Variants in DLGAP4 observed in about 807,000 individuals in gnomAD.
DLGAP4 encodes the protein disks large-associated protein 4.
Under a neutral mutation model 86.9 loss-of-function variants are expected in DLGAP4, and 18 were observed. The observed-to-expected ratio is 0.21, with a 90% CI of 0.14 to 0.31. The LOEUF (loss-of-function observed/expected upper bound fraction) is 0.31, where lower values mean the gene tolerates loss of function less well. Among genes scored for constraint, DLGAP4 ranks in the 10% least tolerant of loss-of-function variants. The pLI is 1.00. For synonymous variants in DLGAP4, 548 were observed against 574.3 expected, an observed-to-expected ratio of 0.95 and a Z score of 0.65; for missense variants, 1,085 against 1,362.6, an observed-to-expected ratio of 0.80 and a Z score of 3.21.
intron 7 of DLGAP4, among the ~76,000 whole-genome samples, chr20:36,487,559 G>A (rs1194318216): frequency 6.6e-6 from 1 of 152,118 alleles, no homozygotes; most frequent in Non-Finnish European, 1.5e-5. Context: ...GTTACATTTT[G>A]CCAAACTGTG....
chr20:36,306,796 C>T lies in DLGAP4; in HGVS notation c.-304+284C>T, dbSNP rs528035008. On this transcript the variant is annotated intron_variant, in intron 1 of 12. Transcript: ENST00000339266. The surrounding 1 kb of genome is among the most constrained non-coding windows in gnomAD (Gnocchi z 4.9). The stretch of plus-strand genomic sequence containing the variant: ...GGGCGGCGGCACCGGGGCCCGGAAC[C>T]CCTGTCCGGGACCGGATCCCCATTC... Among the ~76,000 whole-genome samples the T allele has an allele frequency of 1.3e-5, 2 of 152,310 alleles. No individual in the cohort carries two copies. Among genetic ancestry groups the T allele is most frequent in the Non-Finnish European group, 2.9e-5 (2 of 68,002 alleles).
At chr20:36,476,301 T>C (rs957405202) in intron 7 of DLGAP4, among the ~76,000 whole-genome samples, 1 of 149,336 alleles carries the variant, frequency 6.7e-6, no homozygotes, top group Non-Finnish European at 1.5e-5. Flanking sequence ...CCCCCTTGCC[T>C]GGTCCCTGGC....
At chr20:36,391,313 T>G (rs1235298659) in intron 2 of DLGAP4, among the ~76,000 whole-genome samples, 1 of 152,190 alleles carries the variant, frequency 6.6e-6, no homozygotes, top group East Asian at 1.9e-4. Context: ...CTTCTCCTAA[T>G]TTGCCTCCTC....
intron 7 of DLGAP4, among the ~76,000 whole-genome samples, chr20:36,453,995 G>A (rs2033814233): frequency 6.7e-6 from 1 of 149,956 alleles, no homozygotes; most frequent in Non-Finnish European, 1.5e-5. Context: ...AAGAGTCCGG[G>A]CACAGTGGCT....
chr20:36,432,530 C>A lies in DLGAP4; in HGVS notation c.813C>A (p.Pro271=). 6.2e-7 allele frequency: 1 copy of A among 1,608,752 alleles called. No homozygotes were observed. The highest frequency in any genetic ancestry group is 8.5e-7 in the Non-Finnish European group (1 of 1,178,092). The change falls in exon 3 of 13, where the codon CCC becomes CCA. Residue 271 remains proline (P), a synonymous_variant. Coordinates refer to ENST00000339266, the MANE Select transcript of DLGAP4 (RefSeq NM_001365621.2). The surrounding 1 kb of genome is among the most constrained non-coding windows in gnomAD (Gnocchi z 6.5). The part of the protein sequence containing the change: ...TTELTAPPPP[P]APPATCPSLG... Reference sequence around the variant, plus strand: ...AGCTGACTGCCCCACCACCCCCGCCCGCACCCCCAGCCACCTGCCCCAGCC... The same window carrying A: ...AGCTGACTGCCCCACCACCCCCGCCAGCACCCCCAGCCACCTGCCCCAGCC...
In DLGAP4 at chr20:36,393,903, A is replaced by G. The variant is rs1289368895; in HGVS notation, c.-73+26628A>G. On this transcript the variant is annotated intron_variant, in intron 2 of 12. Transcript: ENST00000339266. The surrounding 1 kb of genome is among the most constrained non-coding windows in gnomAD (Gnocchi z 4.4). Reference sequence around the variant, plus strand: ...AGGCAGCTGAGGAGGGGGCTCAGGGACTCATCCCTCGCCTGCCCACAGAAT... The same window carrying G: ...AGGCAGCTGAGGAGGGGGCTCAGGGGCTCATCCCTCGCCTGCCCACAGAAT... Among the ~76,000 whole-genome samples, 2 of 151,892 alleles carry G rather than the reference A, an allele frequency of 1.3e-5. No homozygotes were observed. Among genetic ancestry groups the G allele is most frequent in the Non-Finnish European group, 2.9e-5 (2 of 67,948 alleles).
chr20:36,513,406 G>T (rs1024482190), intron 10 of DLGAP4, among the ~76,000 whole-genome samples: 4 of 150,684 alleles, frequency 2.7e-5, no homozygotes, highest in Admixed American at 2.0e-4. Context: ...AAATTAGCCG[G>T]GCGCGGTGGC....
intron 2 of DLGAP4, among the ~76,000 whole-genome samples, chr20:36,371,243 G>A (rs1600446274): frequency 3.3e-5 from 5 of 152,366 alleles, no homozygotes; most frequent in Middle Eastern, 3.4e-3. Flanking sequence ...ACATGTCATG[G>A]AGCGGGGTAG....
rs1175157991 is a variant in DLGAP4 at position 36,327,678 on chromosome 20, G to A, written c.-304+21166G>A. On this transcript the variant is annotated intron_variant, in intron 1 of 12. Coordinates refer to ENST00000339266, the MANE Select transcript of DLGAP4 (RefSeq NM_001365621.2). ...GGGATCTCGGCTCACTGCAAGCTCC[G>A]CCTCCTGGGTTCACGCCATTCTCCT... Among the ~76,000 whole-genome samples the A allele has an allele frequency of 3.8e-3, 536 of 140,468 alleles. 2 individuals are homozygous for A. The highest frequency in any genetic ancestry group is 0.012 in the African/African-American group (439 of 37,826). The allele number at this position is 140,468 out of a possible 152,430, so 92.2% of individuals were successfully genotyped here.
At position 36,525,840 on chromosome 20, in the gene DLGAP4, C is replaced by T. The variant is rs1569527520; in HGVS notation, c.2605-11C>T. On this transcript the variant is annotated splice_polypyrimidine_tract_variant and intron_variant, in intron 11 of 12. Coordinates refer to ENST00000339266, the MANE Select transcript of DLGAP4 (RefSeq NM_001365621.2). ...CTGAGCTGGCCCCACTGATCCCCAT[C>T]TGGCCCACAGAACCCTGATGCCAAC... 6 of 1,612,180 alleles carry T rather than the reference C, an allele frequency of 3.7e-6. No homozygotes were observed. The highest frequency in any genetic ancestry group is 1.3e-5 in the African/African-American group (1 of 74,892).
intron 6 of DLGAP4, among the ~76,000 whole-genome samples, chr20:36,443,699 A>G (rs2033513876): frequency 6.6e-6 from 1 of 152,124 alleles, no homozygotes; most frequent in Non-Finnish European, 1.5e-5. Context: ...CCCCCTACAC[A>G]GTAAATCCTC....
At position 36,386,817 on chromosome 20, in the gene DLGAP4, C is replaced by T. The variant is rs1310222127; in HGVS notation, c.-73+19542C>T. Among the ~76,000 whole-genome samples the T allele has an allele frequency of 2.0e-5, 3 of 152,160 alleles. No individual in the cohort carries two copies. The East Asian group carries it at 5.8e-4, about 29-fold the overall frequency. ...CCAGGGCTGGTCTCAAACTCCTGGG[C>T]TCAAGTGATACTCCTGCTCAGCCTG... On this transcript the variant is annotated intron_variant, in intron 2 of 12. Coordinates refer to ENST00000339266, the MANE Select transcript of DLGAP4 (RefSeq NM_001365621.2).
chr20:36,342,774 C>A (rs2065396895), intron 1 of DLGAP4, among the ~76,000 whole-genome samples: 2 of 152,170 alleles, frequency 1.3e-5, no homozygotes, highest in Non-Finnish European at 2.9e-5. Context: ...TAGTGGGCAG[C>A]AGAAATCAAA....
intron 2 of DLGAP4, among the ~76,000 whole-genome samples, chr20:36,403,597 C>G (rs756878108): frequency 2.8e-4 from 42 of 152,122 alleles, no homozygotes; most frequent in Non-Finnish European, 2.9e-5. Context: ...AGTAATTTGC[C>G]CATTTCTGGA....
chr20:36,488,269 C>T (rs2035507275), intron 7 of DLGAP4, among the ~76,000 whole-genome samples: 1 of 151,952 alleles, frequency 6.6e-6, no homozygotes, highest in Non-Finnish European at 1.5e-5. Flanking sequence ...TTCAGGCACC[C>T]TGGTTTCAGG....
chr20:36,331,914 C>G (rs1387766963), intron 1 of DLGAP4, among the ~76,000 whole-genome samples: 1 of 150,004 alleles, frequency 6.7e-6, no homozygotes, highest in Non-Finnish European at 1.5e-5. Flanking sequence ...GGGTTCCAGG[C>G]AGGGAACAAA....
intron 2 of DLGAP4, among the ~76,000 whole-genome samples, chr20:36,367,784 A>G (rs6029580): frequency 0.038 from 5,778 of 152,212 alleles, 359 homozygotes; most frequent in African/African-American, 0.13. Flanking sequence ...CTTTGCCATC[A>G]GGATGAGGTG....
intron 2 of DLGAP4, among the ~76,000 whole-genome samples, chr20:36,429,695 C>T: frequency 6.6e-6 from 1 of 152,198 alleles, no homozygotes; most frequent in East Asian, 1.9e-4. Context: ...GTGTGAGCCA[C>T]CATGCCCAGC....
In DLGAP4 at chr20:36,431,602, C is replaced by T. The variant is rs941023180; in HGVS notation, c.-72-44C>T. ...TGACCTTCCCGGCACCCCTCCCCGA[C>T]AATCCAGCTGACCAGCTGACCGCTT... On this transcript the variant is annotated intron_variant, in intron 2 of 12. Transcript: ENST00000339266. The surrounding 1 kb of genome is among the most constrained non-coding windows in gnomAD (Gnocchi z 5.1). 17 of 1,240,568 alleles carry T rather than the reference C, an allele frequency of 1.4e-5. No homozygotes were observed. In the Admixed American group the frequency reaches 2.2e-4, roughly 16 times the overall value. The allele number at this position is 1,240,568 out of a possible 1,614,324, so 76.8% of individuals were successfully genotyped here.
Sources: allele counts gnomAD v4.1 joint callset (sites outside exome capture counted in the v4.1 genomes callset), GRCh38; gene constraint gnomAD v4.1.1; non-coding constraint Gnocchi (gnomAD v3.1); transcripts MANE v1.5; gene names NCBI Gene and HGNC (gene_info 2026-07-23, HGNC 2026-07-21).